The following ACSF3 variants were observed in gnomAD, a reference collection of about 807,000 sequenced individuals.
ACSF3 encodes the protein acyl-CoA synthetase family member 3, also known as malonate--CoA ligase ACSF3, mitochondrial.
ACSF3 carries 78 observed loss-of-function variants against 53.2 expected under a neutral mutation model. The observed-to-expected ratio is 1.47, with a 90% CI of 1.22 to 1.77. The LOEUF (loss-of-function observed/expected upper bound fraction) is 1.77, where lower values mean the gene tolerates loss of function less well. Among genes scored for constraint, ACSF3 ranks in the 40% most tolerant of loss-of-function variants. The pLI, the probability that ACSF3 is intolerant of heterozygous loss-of-function variation, is 0.00. For missense variants in ACSF3, 937 were observed against 771.1 expected (o/e 1.22, Z -2.55); for synonymous variants, 414 against 333.1 (o/e 1.24, Z -2.65).
intron 7 of ACSF3, among the ~76,000 whole-genome samples, chr16:89,124,478 G>A (rs117388947): frequency 3.5e-5 from 3 of 86,498 alleles, no homozygotes; most frequent in East Asian, 2.4e-4. Flanking sequence ...TGTGATACCC[G>A]TGCACACACT....
chr16:89,097,232 C>T (rs1974732617), intron 1 of ACSF3, among the ~76,000 whole-genome samples: 1 of 152,228 alleles, frequency 6.6e-6, no homozygotes, highest in Non-Finnish European at 1.5e-5. Context: ...TGTCAGAACT[C>T]GGTTCTTTGT....
At position 89,120,866 on chromosome 16, in the gene ACSF3, G is replaced by C. The variant is rs771312218; in HGVS notation, c.1192G>C (p.Ala398Pro). ...TGTCTCAGAAAACCCACAGAGGGAA[G>C]CCTGCTCCTACACCATCCACGCAGA... Reference protein sequence around the residue: ...RIVSENPQREACSYTIHAEGD... With the variant: ...RIVSENPQREPCSYTIHAEGD... The change falls in exon 7 of 11, where the codon GCC (alanine) becomes CCC (proline). Residue 398 changes from alanine (A) to proline (P), a missense_variant. Ala to Pro is a conservative substitution (Grantham distance 27). Coordinates refer to ENST00000614302, the MANE Select transcript of ACSF3 (RefSeq NM_001243279.3). 1.9e-6 allele frequency: 3 copies of C among 1,613,990 alleles called. No homozygotes were observed. Among genetic ancestry groups the C allele is most frequent in the African/African-American group, 2.7e-5 (2 of 74,944 alleles).
chr16:89,122,346 C>G (rs780667582), intron 7 of ACSF3: 1 of 402,130 alleles, frequency 2.5e-6, no homozygotes, highest in South Asian at 1.8e-5. Context: ...CTGCCCCTTG[C>G]TATACCCACC....
intron 8 of ACSF3, among the ~76,000 whole-genome samples, chr16:89,138,734 C>G (rs1911124365): frequency 6.6e-6 from 1 of 152,252 alleles, no homozygotes; most frequent in Admixed American, 6.5e-5. Context: ...CCCAGCCCTC[C>G]TGCAAGATGC....
At chr16:89,109,229 CAAAAAAAAAA>C (rs773650798) in intron 4 of ACSF3, among the ~76,000 whole-genome samples, 2 of 68,552 alleles carry the variant, frequency 2.9e-5, no homozygotes, top group Non-Finnish European at 6.1e-5. Flanking sequence ...AAGACTGTCT[CAAAAAAAAAA>C]AAAAAAAAAA....
intron 10 of ACSF3, chr16:89,151,001 C>T (rs1200302249): frequency 1.2e-5 from 15 of 1,285,176 alleles, no homozygotes; most frequent in African/African-American, 6.1e-5. Flanking sequence ...GTCAAATTTC[C>T]CCAAACCAAA....
At chr16:89,102,785 T>G in intron 4 of ACSF3, 26 bp downstream of exon 4, 2 of 1,596,990 alleles carry the variant, frequency 1.3e-6, no homozygotes, top group Non-Finnish European at 1.7e-6. Context: ...GGCTCTCGGT[T>G]GCACCCTCAG....
Position 89,121,034 on chromosome 16 carries a change from C to G in ACSF3, c.1239+121C>G, listed in dbSNP as rs905082783. On this transcript the variant is annotated intron_variant, in intron 7 of 10. Transcript: ENST00000614302. ...TCCCCTCCACGCAGGGGACCAGCCC[C>G]CTGGACACTGCAGGTGCTGGCTGGT... 7.0e-6 allele frequency: 6 copies of G among 860,402 alleles called. No individual in the cohort carries two copies. The African/African-American group carries it at 8.4e-5, about 12-fold the overall frequency. The allele number at this position is 860,402 out of a possible 1,614,324, so 53.3% of individuals were successfully genotyped here.
chr16:89,135,279 AG>A (rs1046258922), intron 8 of ACSF3, among the ~76,000 whole-genome samples: 1 of 152,200 alleles, frequency 6.6e-6, no homozygotes, highest in Non-Finnish European at 1.5e-5. Context: ...GGGCTCCTTG[AG>A]GGATGCTGGA....
intron 8 of ACSF3, among the ~76,000 whole-genome samples, chr16:89,134,382 A>G (rs1909983067): frequency 6.6e-6 from 1 of 152,236 alleles, no homozygotes; most frequent in Non-Finnish European, 1.5e-5. Context: ...CCGTGCAGGA[A>G]CAATGGCGAG....
At chr16:89,095,276 C>T (rs4782333) in intron 1 of ACSF3, 41,752 of 151,886 alleles carry the variant, frequency 0.27, 6,616 homozygotes, top group East Asian at 0.51. Context: ...ACAGAAATGG[C>T]GGATTAAACT....
At chr16:89,154,055 G>C in intron 10 of ACSF3, 35 bp from the exon 11 acceptor site, 1 of 1,596,116 alleles carries the variant, frequency 6.3e-7, no homozygotes, top group Non-Finnish European at 8.6e-7. Flanking sequence ...GGCACTGTCA[G>C]GGCAGTGCGC....
In ACSF3 at chr16:89,114,566, A is replaced by C. The variant is rs1050390737; in HGVS notation, c.1126+79A>C. On this transcript the variant is annotated intron_variant, in intron 6 of 10. Transcript: ENST00000614302. ...AAGGTGGGCCAGTCTCGAACCACCC[A>C]CATTCGGACTGAAGGGCGGCATGGA... is the stretch of plus-strand genomic sequence containing the variant. The C allele has an allele frequency of 6.9e-6, 11 of 1,586,446 alleles. No individual in the cohort carries two copies. The African/African-American group carries it at 1.5e-4, about 21-fold the overall frequency.
At chr16:89,137,641 C>T (rs533102060) in intron 8 of ACSF3, among the ~76,000 whole-genome samples, 136 of 127,926 alleles carry the variant, frequency 1.1e-3, no homozygotes, top group South Asian at 4.2e-3. Context: ...CAGGAGCTCA[C>T]GGGGAAGGAC....
intron 8 of ACSF3, among the ~76,000 whole-genome samples, chr16:89,138,951 C>T (rs888951003): frequency 1.3e-5 from 2 of 152,248 alleles, no homozygotes; most frequent in Admixed American, 6.5e-5. Flanking sequence ...CACAGCCGTG[C>T]CCCTTCCCCA....
In ACSF3 at chr16:89,097,432, G is replaced by A. The variant is rs534399588; in HGVS notation, c.-193-1159G>A. On this transcript the variant is annotated intron_variant, in intron 1 of 10. Coordinates refer to ENST00000614302, the MANE Select transcript of ACSF3 (RefSeq NM_001243279.3). ...CAGAAAGCACCGTCCCCTGCTCCGA[G>A]CACCCAAGGCACTCCCTGTGGCTCT... 5.9e-5 allele frequency among the ~76,000 whole-genome samples: 9 copies of A among 152,338 alleles called. No homozygotes were observed. In the South Asian group the frequency reaches 8.3e-4, roughly 14 times the overall value.
chr16:89,100,605 G>C, intron 2 of ACSF3, 57 bp from the exon 3 acceptor site: 1 of 1,504,508 alleles, frequency 6.6e-7, no homozygotes, highest in Non-Finnish European at 8.9e-7. Context: ...ATCCTGTCTT[G>C]GCCACGTTTG....
intron 8 of ACSF3, among the ~76,000 whole-genome samples, chr16:89,144,777 G>A (rs1300502631): frequency 2.0e-5 from 3 of 152,224 alleles, no homozygotes; most frequent in Non-Finnish European, 4.4e-5. Flanking sequence ...CCCATCCTGA[G>A]GGAGGGTAAA....
rs1312840880 is a variant in ACSF3 at position 89,155,394 on chromosome 16, T to A, written c.*1187T>A. ...AGACCAGCCCCATCTCAGGCTCACA[T>A]GCCTCGCGGACAGTTGGACGTGGCC... On this transcript the variant is annotated 3_prime_UTR_variant, in exon 11 of 11. Transcript: ENST00000614302. 1 of 452,978 alleles carries A rather than the reference T, an allele frequency of 2.2e-6. No homozygotes were observed. The allele number at this position is 452,978 out of a possible 1,614,324, so 28.1% of individuals were successfully genotyped here.
Sources: gnomAD v4.1 joint callset for allele counts (sites outside exome capture counted in the v4.1 genomes callset) on GRCh38, gnomAD v4.1.1 for gene constraint, MANE v1.5 for transcripts, NCBI Gene and HGNC (gene_info 2026-07-23, HGNC 2026-07-21) for gene names.